The following ADCY2 variants were observed in gnomAD, a reference collection of about 807,000 sequenced individuals.
The protein encoded by ADCY2 is adenylate cyclase type 2.
ADCY2 carries 31 observed loss-of-function variants against 125.2 expected under a neutral mutation model. The ratio of observed to expected loss-of-function variants is 0.25; its 90% CI spans 0.19 to 0.33. ADCY2 has a LOEUF of 0.33. Among genes scored for constraint, ADCY2 ranks in the 10% least tolerant of loss-of-function variants. ADCY2 has a pLI of 1.00. For synonymous variants in ADCY2, 512 were observed against 548.4 expected, an observed-to-expected ratio of 0.93 and a Z score of 0.93; for missense variants, 904 against 1,418.2, an observed-to-expected ratio of 0.64 and a Z score of 5.82.
At chr5:7,415,714 C>G (rs1475498057) in intron 2 of ADCY2, among the ~76,000 whole-genome samples, 1 of 152,100 alleles carries the variant, frequency 6.6e-6, no homozygotes, top group Admixed American at 6.5e-5. Flanking sequence ...CAGGTCATAT[C>G]CTGAGGAGAG....
chr5:7,647,322 T>G (rs146682405), intron 4 of ADCY2, among the ~76,000 whole-genome samples: 2 of 152,122 alleles, frequency 1.3e-5, no homozygotes, highest in African/African-American at 2.4e-5. Flanking sequence ...CCGAGACAAA[T>G]TGTAGGCATG....
chr5:7,644,415 C>T (rs767842381), intron 4 of ADCY2, among the ~76,000 whole-genome samples: 12 of 152,096 alleles, frequency 7.9e-5, no homozygotes, highest in Non-Finnish European at 1.5e-4. Flanking sequence ...GACACCGTTT[C>T]TATTCCTACC....
At chr5:7,481,271 G>T (rs1742718759) in intron 2 of ADCY2, among the ~76,000 whole-genome samples, 2 of 151,956 alleles carry the variant, frequency 1.3e-5, no homozygotes, top group South Asian at 4.2e-4. Context: ...TGTTGTTGCT[G>T]TTGTTGTTCT....
chr5:7,782,636 G>A (rs945111398), intron 18 of ADCY2, among the ~76,000 whole-genome samples: 2 of 152,200 alleles, frequency 1.3e-5, no homozygotes, highest in South Asian at 4.1e-4. Flanking sequence ...TGGCCCCTTG[G>A]AATTGTAAAG....
chr5:7,780,282 A>G (rs1743875828), intron 18 of ADCY2, among the ~76,000 whole-genome samples: 1 of 152,150 alleles, frequency 6.6e-6, no homozygotes, highest in South Asian at 2.1e-4. Flanking sequence ...TGAGGTCCCA[A>G]TCCCTTGCTG....
intron 1 of ADCY2, among the ~76,000 whole-genome samples, chr5:7,407,777 T>C: frequency 6.6e-6 from 1 of 151,800 alleles, no homozygotes; most frequent in Non-Finnish European, 1.5e-5. Flanking sequence ...CCCGTGAGTG[T>C]CCATCGTCAT....
intron 24 of ADCY2, among the ~76,000 whole-genome samples, chr5:7,826,099 C>T (rs1379452577): frequency 2.0e-5 from 3 of 152,186 alleles, no homozygotes; most frequent in East Asian, 1.9e-4. Context: ...CATGCTCATG[C>T]GGACACCAGT....
chr5:7,599,863 A>G (rs966193440), intron 3 of ADCY2, among the ~76,000 whole-genome samples: 1 of 152,198 alleles, frequency 6.6e-6, no homozygotes, highest in Admixed American at 6.5e-5. Flanking sequence ...GGAACAATGT[A>G]TATAAAGGCT....
chr5:7,687,338 G>A (rs1273011038), intron 4 of ADCY2, among the ~76,000 whole-genome samples: 1 of 152,106 alleles, frequency 6.6e-6, no homozygotes, highest in Non-Finnish European at 1.5e-5. Flanking sequence ...GGAAGGACCG[G>A]CTCTGTGTGA....
Position 7,426,484 on chromosome 5 carries a change from G to A in ADCY2, c.408+11714G>A, listed in dbSNP as rs146693748. Among the ~76,000 whole-genome samples, 5 of 152,288 alleles carry A rather than the reference G, an allele frequency of 3.3e-5. No homozygotes were observed. In the East Asian group the frequency reaches 5.8e-4, roughly 18 times the overall value. On this transcript the variant is annotated intron_variant, in intron 2 of 24. Coordinates refer to ENST00000338316, the MANE Select transcript of ADCY2 (RefSeq NM_020546.3). ...TCAGAAGAGATGGAAAGACCAGGCA[G>A]CTATCTAAGCACTCCAAGGGTATTA...
At chr5:7,667,076 G>T (rs1739782445) in intron 4 of ADCY2, among the ~76,000 whole-genome samples, 1 of 152,124 alleles carries the variant, frequency 6.6e-6, no homozygotes, top group Non-Finnish European at 1.5e-5. Flanking sequence ...ATGAAGAACG[G>T]CAAGACTCAT....
At chr5:7,600,536 C>T (rs1244725636) in intron 3 of ADCY2, among the ~76,000 whole-genome samples, 3 of 152,022 alleles carry the variant, frequency 2.0e-5, no homozygotes, top group East Asian at 3.9e-4. Context: ...CAGAGGGAGA[C>T]GAAAGTGAGA....
chr5:7,573,034 A>G (rs1736112717), intron 3 of ADCY2, among the ~76,000 whole-genome samples: 1 of 152,170 alleles, frequency 6.6e-6, no homozygotes, highest in Non-Finnish European at 1.5e-5. Flanking sequence ...ACACAGACAC[A>G]CACAGAAGGA....
Position 7,732,048 on chromosome 5 carries a change from T to G in ADCY2, c.1871+4787T>G, listed in dbSNP as rs1194220985. 3.9e-5 allele frequency among the ~76,000 whole-genome samples: 6 copies of G among 152,338 alleles called. No homozygotes were observed. The East Asian group carries it at 1.2e-3, about 29-fold the overall frequency. ...CAAGGATTTGGGTCCATGGTAGTCT[T>G]GTATGTTCTGAGTTGTAATGGCATC... On this transcript the variant is annotated intron_variant, in intron 14 of 24. Coordinates refer to ENST00000338316, the MANE Select transcript of ADCY2 (RefSeq NM_020546.3).
rs115793389 is a variant in ADCY2, at chr5:7,823,904, C to G, written c.3124-2815C>G. Reference sequence around the variant, plus strand: ...AAGCTCCATGCGACTCAGGGCAGGTCGGCCACCTACACCGGCTCCATGACC... The same window carrying G: ...AAGCTCCATGCGACTCAGGGCAGGTGGGCCACCTACACCGGCTCCATGACC... On this transcript the variant is annotated intron_variant, in intron 24 of 24. Coordinates refer to ENST00000338316, the MANE Select transcript of ADCY2 (RefSeq NM_020546.3). Among the ~76,000 whole-genome samples, 702 of 152,166 alleles carry G rather than the reference C, an allele frequency of 4.6e-3. 5 individuals are homozygous for G. The highest frequency in any genetic ancestry group is 0.016 in the African/African-American group (679 of 41,530).
intron 16 of ADCY2, among the ~76,000 whole-genome samples, chr5:7,761,148 C>CTTTT (rs367998018): frequency 0.54 from 47,136 of 88,028 alleles, 14,784 homozygotes; most frequent in Non-Finnish European, 0.62. Flanking sequence ...CTTTTCTTTT[C>CTTTT]TTTTTTTTTT....
At chr5:7,570,475 G>A (rs759513231) in intron 3 of ADCY2, among the ~76,000 whole-genome samples, 42 of 151,978 alleles carry the variant, frequency 2.8e-4, no homozygotes, top group Non-Finnish European at 3.1e-4. Flanking sequence ...TCAGTATGAC[G>A]TGAGAAAGTG....
chr5:7,552,391 C>T (rs1735370654), intron 3 of ADCY2, among the ~76,000 whole-genome samples: 1 of 152,196 alleles, frequency 6.6e-6, no homozygotes, highest in South Asian at 2.1e-4. Flanking sequence ...AGCCTCTCTG[C>T]ACATGTCAGG....
chr5:7,707,152 T>C (rs1404835356), intron 8 of ADCY2, among the ~76,000 whole-genome samples: 2 of 152,230 alleles, frequency 1.3e-5, no homozygotes, highest in East Asian at 3.9e-4. Context: ...CTTTTACTTA[T>C]TTGCAAATGT....
Sources: allele counts gnomAD v4.1 joint callset (sites outside exome capture counted in the v4.1 genomes callset), GRCh38; gene constraint gnomAD v4.1.1; transcripts MANE v1.5; gene names NCBI Gene and HGNC (gene_info 2026-07-23, HGNC 2026-07-21).